Variants in NELL1 observed in about 807,000 individuals in gnomAD.
The protein encoded by NELL1 is neural EGFL like 1.
A neutral mutation model predicts 107.4 loss-of-function variants in NELL1; 76 were observed. That is an observed-to-expected ratio of 0.71 (90% CI 0.59 to 0.86). The LOEUF (loss-of-function observed/expected upper bound fraction) is 0.86. NELL1 is among the 40% of genes least tolerant of loss of function. The pLI, the probability that NELL1 is intolerant of heterozygous loss-of-function variation, is 0.00. For missense variants in NELL1, 1,024 were observed against 1,005.5 expected (o/e 1.02, Z -0.25); for synonymous variants, 353 against 341.2 (o/e 1.03, Z -0.38).
rs780060086 is a variant in NELL1 at position 20,937,841 on chromosome 11, G to C, written c.1053G>C (p.Lys351Asn). The C allele has an allele frequency of 6.2e-7, 1 of 1,613,956 alleles. No individual in the cohort carries two copies. Among genetic ancestry groups the C allele is most frequent in the Non-Finnish European group, 8.5e-7 (1 of 1,179,940 alleles). Residue 351 changes from lysine (K) to asparagine (N), a missense_variant, in exon 10 of 20, where the codon AAG becomes AAC. Physicochemically the swap from Lys to Asn is moderately conservative, Grantham distance 94 (BLOSUM62 0). Coordinates refer to ENST00000357134, the MANE Select transcript of NELL1 (RefSeq NM_006157.5). ...CAGAAGGCCAGCGGATTTTAACCAA[G>C]AGCTGTCGGGAATGCCGAGTAAGTG... Reference protein sequence around the residue: ...VLAEGQRILTKSCRECRGGVL... With the variant: ...VLAEGQRILTNSCRECRGGVL...
chr11:21,243,300 T>C (rs1301465479), intron 14 of NELL1, among the ~76,000 whole-genome samples: 1 of 152,164 alleles, frequency 6.6e-6, no homozygotes, highest in African/African-American at 2.4e-5. Flanking sequence ...AATAAGTGCA[T>C]GTGTAGATGA....
chr11:21,299,582 A>G (rs1469213971), intron 14 of NELL1, among the ~76,000 whole-genome samples: 1 of 150,152 alleles, frequency 6.7e-6, no homozygotes, highest in Non-Finnish European at 1.5e-5. Context: ...TTGGACCCAT[A>G]TAAATTGGTA....
At chr11:20,830,106 T>C (rs1857976383) in intron 3 of NELL1, among the ~76,000 whole-genome samples, 1 of 151,866 alleles carries the variant, frequency 6.6e-6, no homozygotes, top group Admixed American at 6.6e-5. Flanking sequence ...ACCCTGTCTC[T>C]ACTAAAAATA....
intron 15 of NELL1, among the ~76,000 whole-genome samples, chr11:21,509,823 T>G (rs976272795): frequency 6.6e-6 from 1 of 152,258 alleles, no homozygotes; most frequent in Non-Finnish European, 1.5e-5. Context: ...TACACTTTTT[T>G]GGATTGCTTT....
chr11:20,801,855 C>T (rs1304479504), intron 3 of NELL1, among the ~76,000 whole-genome samples: 1 of 152,118 alleles, frequency 6.6e-6, no homozygotes, highest in African/African-American at 2.4e-5. Context: ...TTCCCAAATG[C>T]ATGTTCCTGG....
At chr11:21,003,737 C>T (rs1852272606) in intron 12 of NELL1, among the ~76,000 whole-genome samples, 1 of 151,984 alleles carries the variant, frequency 6.6e-6, no homozygotes, top group South Asian at 2.1e-4. Context: ...TCTCTGACTC[C>T]AAGAAACAAA....
At chr11:20,886,832 T>C (rs1280361957) in intron 5 of NELL1, among the ~76,000 whole-genome samples, 1 of 152,022 alleles carries the variant, frequency 6.6e-6, no homozygotes, top group East Asian at 1.9e-4. Flanking sequence ...TAAAGTATAA[T>C]AAAATAATAC....
chr11:21,279,501 A>T (rs1047247151), intron 14 of NELL1, among the ~76,000 whole-genome samples: 2 of 152,168 alleles, frequency 1.3e-5, no homozygotes, highest in African/African-American at 4.8e-5. Context: ...ATATGAGAAG[A>T]TGCTCAACAT....
chr11:21,017,672 G>C (rs938417272), intron 12 of NELL1, among the ~76,000 whole-genome samples: 1 of 152,052 alleles, frequency 6.6e-6, no homozygotes, highest in South Asian at 2.1e-4. Flanking sequence ...TGGAATATGA[G>C]CTCCATTCTA....
intron 2 of NELL1, among the ~76,000 whole-genome samples, chr11:20,683,312 T>C (rs1422396792): frequency 1.3e-5 from 2 of 152,086 alleles, no homozygotes; most frequent in Non-Finnish European, 2.9e-5. Context: ...TTTCTTTTTT[T>C]CCCCAACTTT....
At position 21,299,293 on chromosome 11, in the gene NELL1, T is replaced by C. The variant is rs149784150; in HGVS notation, c.1549+69839T>C. On this transcript the variant is annotated intron_variant, in intron 14 of 19. Transcript: ENST00000357134. ...TTTCTCTGTGTGTGGATCAATTAGATCACTTGATGAGAATGCAGACATCGC... is the reference window on the plus strand; with the variant it reads ...TTTCTCTGTGTGTGGATCAATTAGACCACTTGATGAGAATGCAGACATCGC... Among the ~76,000 whole-genome samples, 351 of 152,108 alleles carry C rather than the reference T, an allele frequency of 2.3e-3. 2 individuals are homozygous for C. The highest frequency in any genetic ancestry group is 8.2e-3 in the African/African-American group (340 of 41,522).
chr11:21,258,939 A>G (rs1858837807), intron 14 of NELL1, among the ~76,000 whole-genome samples: 1 of 151,984 alleles, frequency 6.6e-6, no homozygotes, highest in Admixed American at 6.6e-5. Context: ...ATCCAAGCTT[A>G]GGAAATAGAG....
At chr11:20,783,571 C>G in intron 2 of NELL1, 109 bp from the exon 3 acceptor site, 8 of 685,490 alleles carry the variant, frequency 1.2e-5, no homozygotes, top group African/African-American at 1.8e-5. Flanking sequence ...GATCTTTTTT[C>G]CTCTTCCTTC....
At chr11:20,763,279 C>G (rs183095748) in intron 2 of NELL1, among the ~76,000 whole-genome samples, 39 of 152,258 alleles carry the variant, frequency 2.6e-4, no homozygotes, top group Admixed American at 2.5e-3. Context: ...CCCACTGTAG[C>G]CACCGCATGT....
At chr11:21,101,423 C>A (rs1247524195) in intron 12 of NELL1, among the ~76,000 whole-genome samples, 1 of 152,142 alleles carries the variant, frequency 6.6e-6, no homozygotes, top group African/African-American at 2.4e-5. Context: ...CACTGACTTC[C>A]ACAATGGTTG....
intron 14 of NELL1, chr11:21,260,211 T>G (rs1858870805): frequency 6.6e-6 from 1 of 151,924 alleles, no homozygotes; most frequent in Non-Finnish European, 1.5e-5. Context: ...ACCATTATTA[T>G]GTTCATTTCA....
intron 12 of NELL1, among the ~76,000 whole-genome samples, chr11:21,021,919 C>A (rs545941868): frequency 6.6e-6 from 1 of 152,208 alleles, no homozygotes; most frequent in South Asian, 2.1e-4. Flanking sequence ...AAATCTCTAC[C>A]TTGGCATTGT....
At chr11:20,911,841 T>C (rs1850139171) in intron 5 of NELL1, among the ~76,000 whole-genome samples, 2 of 152,192 alleles carry the variant, frequency 1.3e-5, no homozygotes, top group South Asian at 2.1e-4. Flanking sequence ...GCCATCCTTT[T>C]ATGAGAAGAA....
chr11:20,917,281 G>T (rs1014095479), intron 5 of NELL1, among the ~76,000 whole-genome samples: 5 of 151,972 alleles, frequency 3.3e-5, no homozygotes, highest in African/African-American at 1.2e-4. Flanking sequence ...AAGAGGTGCT[G>T]TGATCCTGTT....
Sources: gnomAD v4.1 joint callset for allele counts (sites outside exome capture counted in the v4.1 genomes callset) on GRCh38, gnomAD v4.1.1 for gene constraint, MANE v1.5 for transcripts, NCBI Gene and HGNC (gene_info 2026-07-23, HGNC 2026-07-21) for gene names.